The following TMEM132D variants were observed in gnomAD, a reference collection of about 807,000 sequenced individuals.
The protein encoded by TMEM132D is mature OL transmembrane protein.
Under a neutral mutation model 62.3 loss-of-function variants are expected in TMEM132D, and 21 were observed. The ratio of observed to expected loss-of-function variants is 0.34; its 90% confidence interval spans 0.24 to 0.49. The LOEUF is 0.49. Ranked by LOEUF, TMEM132D falls within the 20% of genes least tolerant of loss-of-function variation. The pLI is 0.99. For synonymous variants in TMEM132D, 621 were observed against 575.6 expected (o/e 1.08, Z -1.13); for missense variants, 1,346 against 1,402.8 (o/e 0.96, Z 0.65).
At chr12:129,284,837 G>GATTCA (rs1292775767) in intron 4 of TMEM132D, among the ~76,000 whole-genome samples, 2 of 152,190 alleles carry the variant, frequency 1.3e-5, no homozygotes, top group African/African-American at 4.8e-5. Flanking sequence ...CATATTGTGT[G>GATTCA]ATTCAATTTG....
chr12:129,403,050 G>C (rs910924451), intron 3 of TMEM132D, among the ~76,000 whole-genome samples: 3 of 152,098 alleles, frequency 2.0e-5, no homozygotes, highest in African/African-American at 7.2e-5. Flanking sequence ...AAGTTTTCCA[G>C]GATTGTGGCA....
intron 1 of TMEM132D, among the ~76,000 whole-genome samples, chr12:129,841,694 T>C (rs1311944047): frequency 6.6e-6 from 1 of 152,210 alleles, no homozygotes; most frequent in Non-Finnish European, 1.5e-5. Flanking sequence ...AACGACGAAG[T>C]TGTGAAGGTG....
Position 129,083,910 on chromosome 12 carries a change from T to G in TMEM132D, c.1649+587A>C, listed in dbSNP as rs537104920. Among the ~76,000 whole-genome samples, 10 of 152,274 alleles carry G rather than the reference T, an allele frequency of 6.6e-5. No individual in the cohort carries two copies. In the South Asian group the frequency reaches 1.7e-3, roughly 25 times the overall value. Reference sequence around the variant, plus strand: ...ACTCTACCAAGCACCATCGGGGTAATGTACCAGACACTCAGTGGACAAGCC... The same window carrying G: ...ACTCTACCAAGCACCATCGGGGTAAGGTACCAGACACTCAGTGGACAAGCC... On this transcript the variant is annotated intron_variant, in intron 6 of 8. Coordinates refer to ENST00000422113, the MANE Select transcript of TMEM132D (RefSeq NM_133448.3).
At chr12:129,318,040 C>T (rs1868543727) in intron 4 of TMEM132D, among the ~76,000 whole-genome samples, 1 of 152,074 alleles carries the variant, frequency 6.6e-6, no homozygotes, top group Non-Finnish European at 1.5e-5. Flanking sequence ...TTTCTCCCTT[C>T]ACTTCTTGTA....
intron 3 of TMEM132D, among the ~76,000 whole-genome samples, chr12:129,473,529 C>T (rs1432699177): frequency 1.3e-5 from 2 of 151,752 alleles, no homozygotes; most frequent in African/African-American, 4.8e-5. Context: ...TGGGGTTTCG[C>T]TATATTGGCC....
intron 4 of TMEM132D, among the ~76,000 whole-genome samples, chr12:129,301,564 A>G (rs1370195569): frequency 6.6e-6 from 1 of 152,222 alleles, no homozygotes; most frequent in Non-Finnish European, 1.5e-5. Flanking sequence ...ACACACATGT[A>G]GGCAAGAATA....
chr12:129,784,550 T>C (rs888384596), intron 1 of TMEM132D, among the ~76,000 whole-genome samples: 1 of 152,260 alleles, frequency 6.6e-6, no homozygotes, highest in African/African-American at 2.4e-5. Flanking sequence ...ATTTTCGGCA[T>C]CTGTGCTGGC....
At chr12:129,254,547 T>A (rs1880352647) in intron 4 of TMEM132D, among the ~76,000 whole-genome samples, 2 of 152,166 alleles carry the variant, frequency 1.3e-5, no homozygotes, top group Non-Finnish European at 1.5e-5. Context: ...TATGAGTATC[T>A]AAATTATAGA....
chr12:129,725,044 C>T (rs531455913), intron 1 of TMEM132D, among the ~76,000 whole-genome samples: 5 of 152,300 alleles, frequency 3.3e-5, no homozygotes, highest in Admixed American at 3.3e-4. Context: ...TGTCTCTTCC[C>T]TACTCCAGTA....
At chr12:129,497,269 C>T (rs891420334) in intron 3 of TMEM132D, among the ~76,000 whole-genome samples, 4 of 152,176 alleles carry the variant, frequency 2.6e-5, no homozygotes, top group African/African-American at 9.7e-5. Context: ...GATGGAACTA[C>T]TGCATTCCGG....
chr12:129,083,850 T>A lies in TMEM132D; in HGVS notation c.1649+647A>T, dbSNP rs79203804. On this transcript the variant is annotated intron_variant, in intron 6 of 8. Coordinates refer to ENST00000422113, the MANE Select transcript of TMEM132D (RefSeq NM_133448.3). Reference sequence around the variant, plus strand: ...CCACTCTCTTTACATGGTACTCATGTGGTTGCCTGACGGTAGATGGTGGAG... The same window carrying A: ...CCACTCTCTTTACATGGTACTCATGAGGTTGCCTGACGGTAGATGGTGGAG... Among the ~76,000 whole-genome samples, 23 of 152,348 alleles carry A rather than the reference T, an allele frequency of 1.5e-4. No individual in the cohort carries two copies. The East Asian group carries it at 4.4e-3, about 29-fold the overall frequency.
intron 5 of TMEM132D, among the ~76,000 whole-genome samples, chr12:129,189,186 G>A (rs1878311537): frequency 6.6e-6 from 1 of 152,122 alleles, no homozygotes; most frequent in Admixed American, 6.5e-5. Flanking sequence ...AGCCGTTGGA[G>A]GGAAGCCCTA....
chr12:129,488,345 C>T (rs534492505), intron 3 of TMEM132D, among the ~76,000 whole-genome samples: 2 of 152,298 alleles, frequency 1.3e-5, no homozygotes, highest in African/African-American at 4.8e-5. Context: ...GCATTCCAAT[C>T]ACTAAACTAT....
chr12:129,760,713 T>C (rs1474908686), intron 1 of TMEM132D, among the ~76,000 whole-genome samples: 3 of 151,616 alleles, frequency 2.0e-5, no homozygotes, highest in African/African-American at 7.3e-5. Context: ...GCTACATAGG[T>C]ATACATGTGC....
chr12:129,099,424 C>T (rs1013084218), intron 5 of TMEM132D, among the ~76,000 whole-genome samples: 3 of 152,192 alleles, frequency 2.0e-5, no homozygotes, highest in Admixed American at 1.3e-4. Flanking sequence ...CAGAATTTGA[C>T]AGAAGTCTGA....
chr12:129,576,746 G>A (rs1391973580), intron 2 of TMEM132D, among the ~76,000 whole-genome samples: 3 of 151,744 alleles, frequency 2.0e-5, no homozygotes, highest in Admixed American at 1.3e-4. Flanking sequence ...TACTGTTGAT[G>A]GGTAGCCTCA....
intron 5 of TMEM132D, among the ~76,000 whole-genome samples, chr12:129,103,292 C>T (rs959171242): frequency 3.9e-5 from 6 of 152,188 alleles, no homozygotes; most frequent in African/African-American, 1.2e-4. Context: ...TCAGTTCCTT[C>T]CCACAGCAGC....
At chr12:129,432,991 G>A (rs1872702532) in intron 3 of TMEM132D, among the ~76,000 whole-genome samples, 1 of 152,112 alleles carries the variant, frequency 6.6e-6, no homozygotes, top group African/African-American at 2.4e-5. Flanking sequence ...AGTTTCATCT[G>A]TTTAAAACTT....
At chr12:129,156,029 A>G (rs926200722) in intron 5 of TMEM132D, among the ~76,000 whole-genome samples, 2 of 148,262 alleles carry the variant, frequency 1.3e-5, no homozygotes, top group African/African-American at 5.0e-5. Context: ...AAATAACCAA[A>G]CCACTCCCGT....
Sources: allele counts gnomAD v4.1 joint callset (sites outside exome capture counted in the v4.1 genomes callset), GRCh38; gene constraint gnomAD v4.1.1; transcripts MANE v1.5; gene names NCBI Gene and HGNC (gene_info 2026-07-23, HGNC 2026-07-21).